The following NADK2 variants were observed in gnomAD, a reference collection of about 807,000 sequenced individuals.
NADK2 encodes the protein NAD kinase domain-containing protein 1, mitochondrial.
A neutral mutation model predicts 62.1 loss-of-function variants in NADK2; 35 were observed. That is an observed-to-expected ratio of 0.56 (90% CI 0.43 to 0.75). The LOEUF (loss-of-function observed/expected upper bound fraction) is 0.75, where lower values mean the gene tolerates loss of function less well. NADK2 is among the 30% of genes least tolerant of loss of function. The probability of loss-of-function intolerance (pLI) is 0.00; values close to 1 mark genes in which losing one functional copy is unlikely to be tolerated. For synonymous variants in NADK2, 205 were observed against 207.9 expected (o/e 0.99, Z 0.12); for missense variants, 439 against 561.3 (o/e 0.78, Z 2.20).
rs562005692 is a variant in NADK2 at position 36,235,860 on chromosome 5, C to G, written c.300+5639G>C. Among the ~76,000 whole-genome samples the G allele has an allele frequency of 2.0e-5, 3 of 147,092 alleles. No individual in the cohort carries two copies. The East Asian group carries it at 6.1e-4, about 30-fold the overall frequency. On this transcript the variant is annotated intron_variant, in intron 1 of 11. Coordinates refer to ENST00000381937, the MANE Select transcript of NADK2 (RefSeq NM_001085411.3). ...GATTGGTCTATTTTCCTGCATAATC[C>G]ATATCTAGTGGTTTATTATGAAGAA...
chr5:36,223,332 A>C (rs1211880172), intron 4 of NADK2, among the ~76,000 whole-genome samples: 2 of 152,162 alleles, frequency 1.3e-5, no homozygotes, highest in Admixed American at 6.5e-5. Context: ...AAGGGTAAGA[A>C]TGGAAGCAAG....
chr5:36,237,391 G>C (rs1747949519), intron 1 of NADK2, among the ~76,000 whole-genome samples: 1 of 152,088 alleles, frequency 6.6e-6, no homozygotes, highest in South Asian at 2.1e-4. Context: ...TGAATAAAAA[G>C]AGATGAGGCA....
intron 8 of NADK2, among the ~76,000 whole-genome samples, chr5:36,206,746 T>C (rs1746655418): frequency 6.6e-6 from 1 of 151,846 alleles, no homozygotes; most frequent in African/African-American, 2.4e-5. Flanking sequence ...TACTAAGAAG[T>C]AGACGAGATT....
intron 1 of NADK2, among the ~76,000 whole-genome samples, chr5:36,231,477 T>G (rs1747707628): frequency 6.6e-6 from 1 of 152,334 alleles, no homozygotes; most frequent in Non-Finnish European, 1.5e-5. Context: ...GTTCTTATTT[T>G]CTTTAAAGGC....
chr5:36,219,697 T>G lies in NADK2; in HGVS notation c.561-18A>C, dbSNP rs1236456881. On this transcript the variant is annotated intron_variant, in intron 4 of 11. Coordinates refer to ENST00000381937, the MANE Select transcript of NADK2 (RefSeq NM_001085411.3). ...CCTCAGACCTATATTTTAACAGGAA[T>G]TTTTTGGTGATATAAAGAGGAAAAG... 14 of 1,602,812 alleles carry G rather than the reference T, an allele frequency of 8.7e-6. No individual in the cohort carries two copies. Among genetic ancestry groups the G allele is most frequent in the Non-Finnish European group, 1.1e-5 (13 of 1,172,112 alleles).
Position 36,192,918 on chromosome 5 carries a change from C to T in NADK2, c.*2226G>A, listed in dbSNP as rs1009584207. On this transcript the variant is annotated 3_prime_UTR_variant, in exon 12 of 12. Coordinates refer to ENST00000381937, the MANE Select transcript of NADK2 (RefSeq NM_001085411.3). ...GAGTAATTTTATTCACATAGGGTTGCGATTAAAAGGTTAACTCATTCAAAC... is the reference window on the plus strand; with the variant it reads ...GAGTAATTTTATTCACATAGGGTTGTGATTAAAAGGTTAACTCATTCAAAC... The T allele has an allele frequency of 3.3e-5, 5 of 151,970 alleles. No homozygotes were observed. Among genetic ancestry groups the T allele is most frequent in the South Asian group, 4.2e-4 (2 of 4,808 alleles). The allele number at this position is 151,970 out of a possible 1,614,324, so 9.4% of individuals were successfully genotyped here.
intron 4 of NADK2, among the ~76,000 whole-genome samples, chr5:36,224,784 G>T (rs1747419415): frequency 1.3e-5 from 2 of 152,028 alleles, no homozygotes. Flanking sequence ...ATAAAGTCCA[G>T]GTACAGTCAT....
rs58371779 is a variant in NADK2 at position 36,213,618 on chromosome 5, C to CATATATATATATAT, written c.782-1710_782-1697dup. On this transcript the variant is annotated intron_variant, in intron 6 of 11. Transcript: ENST00000381937. The stretch of plus-strand genomic sequence containing the variant: ...TGATACAAAAAGCTATATATGCATG[C>CATATATATATATAT]ATATATATATATATGGATTTGATAT... Among the ~76,000 whole-genome samples, 743 of 107,534 alleles carry CATATATATATATAT rather than the reference C, an allele frequency of 6.9e-3. 16 individuals carry two copies. Among genetic ancestry groups the CATATATATATATAT allele is most frequent in the African/African-American group, 0.015 (522 of 34,132 alleles). 70.5% of individuals were successfully genotyped at this position (107,534 alleles called of 152,430 possible). A position where few individuals can be genotyped will look rare whatever the true frequency, so the allele number is the denominator to read the frequency against.
Position 36,211,888 on chromosome 5 carries a change from C to T in NADK2, c.816G>A (p.Val272=). The T allele has an allele frequency of 6.2e-7, 1 of 1,613,582 alleles. No individual in the cohort carries two copies. The highest frequency in any genetic ancestry group is 8.5e-7 in the Non-Finnish European group (1 of 1,179,716). The change falls in exon 7 of 12, where the codon GTG becomes GTA. Residue 272 remains valine (V), a synonymous_variant. Transcript: ENST00000381937. ...SEASGPQLLP[V]RALNEVFIGE... ...CAATGAAGACTTCATTTAGTGCTCT[C>T]ACTGGCAGAAGTTGGGGTCCTGAAG... is the stretch of plus-strand genomic sequence containing the variant.
intron 4 of NADK2, 119 bp downstream of exon 4, chr5:36,225,423 A>T: frequency 1.3e-6 from 1 of 760,978 alleles, no homozygotes; most frequent in Non-Finnish European, 2.1e-6. Context: ...TCCAAATTTT[A>T]AGACAGACCA....
At position 36,241,211 on chromosome 5, in the gene NADK2, G is replaced by A; in HGVS notation, c.300+288C>T. 1 of 340,518 alleles carries A rather than the reference G, an allele frequency of 2.9e-6. No homozygotes were observed. The highest frequency in any genetic ancestry group is 6.6e-5 in the East Asian group (1 of 15,148). 21.1% of individuals were successfully genotyped at this position (340,518 alleles called of 1,614,324 possible). Reference sequence around the variant, plus strand: ...AAACCCCTCACTCTGAGGCCACTCGGCAGCCCCTCTTCGCCCTCCCCGCGG... The same window carrying A: ...AAACCCCTCACTCTGAGGCCACTCGACAGCCCCTCTTCGCCCTCCCCGCGG... On this transcript the variant is annotated intron_variant, in intron 1 of 11. Transcript: ENST00000381937. This position sits in a 1 kb window ranked among gnomAD's most constrained non-coding sequence, Gnocchi z 4.9.
intron 8 of NADK2, among the ~76,000 whole-genome samples, chr5:36,202,075 C>T (rs989487794): frequency 1.8e-4 from 28 of 152,136 alleles, no homozygotes; most frequent in African/African-American, 6.5e-4. Flanking sequence ...AAATTACTGG[C>T]TCTTAACGTT....
rs1273391298 is a variant in NADK2, at chr5:36,193,472, C to T, written c.*1672G>A. On this transcript the variant is annotated 3_prime_UTR_variant, in exon 12 of 12. Transcript: ENST00000381937. Reference sequence around the variant, plus strand: ...CTGGGTGACAAAGCAAGACTCCGTTCTCAAAAAAAAAAAAAAAAAAAAAGA... The same window carrying T: ...CTGGGTGACAAAGCAAGACTCCGTTTTCAAAAAAAAAAAAAAAAAAAAAGA... The T allele has an allele frequency of 2.2e-5, 2 of 91,366 alleles. No homozygotes were observed. Among genetic ancestry groups the T allele is most frequent in the South Asian group, 4.0e-4 (1 of 2,508 alleles). 5.7% of individuals were successfully genotyped at this position (91,366 alleles called of 1,614,324 possible).
intron 2 of NADK2, among the ~76,000 whole-genome samples, chr5:36,227,137 A>G (rs538867862): frequency 6.6e-6 from 1 of 152,192 alleles, no homozygotes; most frequent in South Asian, 2.1e-4. Flanking sequence ...CAAACACTCA[A>G]AAATATTATT....
intron 8 of NADK2, among the ~76,000 whole-genome samples, chr5:36,203,000 CA>C (rs1225636376): frequency 6.6e-6 from 1 of 151,804 alleles, no homozygotes; most frequent in Admixed American, 6.6e-5. Flanking sequence ...GAATTCCATA[CA>C]AGAAAAAAAG....
intron 7 of NADK2, among the ~76,000 whole-genome samples, chr5:36,209,674 T>C (rs957275287): frequency 6.6e-6 from 1 of 152,146 alleles, no homozygotes; most frequent in Admixed American, 6.5e-5. Flanking sequence ...ACTTTATATG[T>C]AGCAAAAGAG....
chr5:36,200,307 G>A (rs1218823089), intron 9 of NADK2, 27 bp from the exon 10 acceptor site: 2 of 1,523,772 alleles, frequency 1.3e-6, no homozygotes, highest in Admixed American at 1.8e-5. Context: ...GGGGGAAAAT[G>A]TATGTTATAA....
chr5:36,195,000 C>A lies in NADK2; in HGVS notation c.*144G>T. ...TGTCTTTTTTTCTATCAGAATCCAA[C>A]AGAAGAATAATGCAAATCTCACTTC... On this transcript the variant is annotated 3_prime_UTR_variant, in exon 12 of 12. Coordinates refer to ENST00000381937, the MANE Select transcript of NADK2 (RefSeq NM_001085411.3). 2 of 764,656 alleles carry A rather than the reference C, an allele frequency of 2.6e-6. No individual in the cohort carries two copies. Among genetic ancestry groups the A allele is most frequent in the Non-Finnish European group, 4.0e-6 (2 of 501,986 alleles). 47.4% of individuals were successfully genotyped at this position (764,656 alleles called of 1,614,324 possible). A position where few individuals can be genotyped will look rare whatever the true frequency, so the allele number is the denominator to read the frequency against.
chr5:36,235,791 G>A (rs1421198194), intron 1 of NADK2, among the ~76,000 whole-genome samples: 3 of 151,926 alleles, frequency 2.0e-5, no homozygotes, highest in African/African-American at 4.8e-5. Flanking sequence ...AGGAAGAGGA[G>A]AGCCAATTGG....
Sources: gnomAD v4.1 joint callset for allele counts (sites outside exome capture counted in the v4.1 genomes callset) on GRCh38, gnomAD v4.1.1 for gene constraint, Gnocchi (gnomAD v3.1) non-coding constraint, MANE v1.5 for transcripts, NCBI Gene and HGNC (gene_info 2026-07-23, HGNC 2026-07-21) for gene names.